The following TBC1D9B variants were observed in gnomAD, a reference collection of about 807,000 sequenced individuals.
TBC1D9B encodes TBC1 domain family, member 9B (with GRAM domain).
TBC1D9B carries 87 observed loss-of-function variants against 121.1 expected under a neutral mutation model. The observed-to-expected ratio is 0.72, with a 90% CI of 0.60 to 0.86. The LOEUF is 0.86. Among genes scored for constraint, TBC1D9B ranks in the 40% least tolerant of loss-of-function variants. The pLI is 0.00. For missense variants in TBC1D9B, 1,540 were observed against 1,628.6 expected (o/e 0.95, Z 0.94); for synonymous variants, 668 against 670.1 (o/e 1.00, Z 0.05).
intron 2 of TBC1D9B, 48 bp from the exon 3 acceptor site, chr5:179,899,355 C>T (rs1219136909): frequency 1.3e-6 from 2 of 1,512,578 alleles, no homozygotes; most frequent in South Asian, 1.1e-5. Flanking sequence ...ATTCCCCAGG[C>T]CTTAAACGCA....
rs1182321119 is a variant in TBC1D9B, at chr5:179,907,698, T to C, written c.118+6A>G. On this transcript the variant is annotated splice_donor_region_variant and intron_variant, in intron 1 of 20. Coordinates refer to ENST00000355235, the MANE Select transcript of TBC1D9B (RefSeq NM_015043.4). The surrounding 1 kb of genome is among the most constrained non-coding windows in gnomAD (Gnocchi z 5.3). ...CCACAGGCCCGGCCGCCCGCGCGCC[T>C]CTCACCCGTAAGGCCGCCGCCCCTG... 1.1e-5 allele frequency: 12 copies of C among 1,136,012 alleles called. No homozygotes were observed. The highest frequency in any genetic ancestry group is 1.1e-5 in the Non-Finnish European group (10 of 907,056). 70.4% of individuals were successfully genotyped at this position (1,136,012 alleles called of 1,614,324 possible). A position where few individuals can be genotyped will look rare whatever the true frequency, so the allele number is the denominator to read the frequency against.
At chr5:179,898,863 CA>C (rs1416601003) in intron 3 of TBC1D9B, among the ~76,000 whole-genome samples, 1 of 152,210 alleles carries the variant, frequency 6.6e-6, no homozygotes, top group Admixed American at 6.5e-5. Context: ...TTATAAAAAA[CA>C]ACTCAAAATA....
At chr5:179,878,092 C>T (rs903572201) in intron 10 of TBC1D9B, among the ~76,000 whole-genome samples, 1 of 152,240 alleles carries the variant, frequency 6.6e-6, no homozygotes, top group Non-Finnish European at 1.5e-5. Flanking sequence ...CAATCAAATG[C>T]TGCTGGGACT....
chr5:179,863,575 G>A lies in TBC1D9B; in HGVS notation c.3575C>T (p.Thr1192Met), dbSNP rs186133581. The stretch of plus-strand genomic sequence containing the variant: ...AAAGAAGTTCACCAGCACGGACTCC[G>A]TCAGGATGGAGGCCAGGATCTGCTC... ...SFEQILASIL[T>M]ESVLVNFFEK... is the part of the protein sequence containing the mutation. Residue 1192 changes from threonine to methionine, a missense_variant, in exon 21 of 21, where the codon ACG (threonine) becomes ATG (methionine). Thr to Met is a moderately conservative substitution (Grantham distance 81). Coordinates refer to ENST00000355235, the MANE Select transcript of TBC1D9B (RefSeq NM_015043.4). The surrounding 1 kb of genome is among the most constrained non-coding windows in gnomAD (Gnocchi z 4.5). The A allele has an allele frequency of 7.1e-5, 115 of 1,614,190 alleles. No individual in the cohort carries two copies. The highest frequency in any genetic ancestry group is 9.2e-5 in the Non-Finnish European group (109 of 1,180,048).
At chr5:179,906,342 G>A (rs1031140688) in intron 1 of TBC1D9B, among the ~76,000 whole-genome samples, 1 of 152,150 alleles carries the variant, frequency 6.6e-6, no homozygotes, top group African/African-American at 2.4e-5. Context: ...CGGTCCCAGG[G>A]GACACGGAGA....
chr5:179,869,956 G>A, intron 16 of TBC1D9B, 122 bp from the exon 17 acceptor site: 1 of 1,052,090 alleles, frequency 9.5e-7, no homozygotes, highest in Non-Finnish European at 1.3e-6. Flanking sequence ...GAGGTCACAG[G>A]GTGAGTCCCA....
rs918883177 is a variant in TBC1D9B, at chr5:179,892,262, C to T, written c.837-676G>A. On this transcript the variant is annotated intron_variant, in intron 5 of 20. Transcript: ENST00000355235. ...GGAGCAGTCATGTTCCATCTCTGCT[C>T]GTGTTCTTTCCAAAAGGTCCAACAA... is the stretch of plus-strand genomic sequence containing the variant. 7.9e-5 allele frequency among the ~76,000 whole-genome samples: 12 copies of T among 152,358 alleles called. No homozygotes were observed. The East Asian group carries it at 1.7e-3, about 22-fold the overall frequency.
chr5:179,865,692 A>G lies in TBC1D9B; in HGVS notation c.2914+146T>C, dbSNP rs146622388. 0.011 allele frequency: 10,387 copies of G among 918,564 alleles called. 108 individuals carry two copies. Among genetic ancestry groups the G allele is most frequent in the Non-Finnish European group, 0.013 (7,653 of 601,524 alleles). The allele number at this position is 918,564 out of a possible 1,614,324, so 56.9% of individuals were successfully genotyped here. A position where few individuals can be genotyped will look rare whatever the true frequency, so the allele number is the denominator to read the frequency against. ...GTGGAGAGCGTGGAGCCTCCTGTGC[A>G]TCCCGAGGCCTGCTCCCTGATCGGG... is the stretch of plus-strand genomic sequence containing the variant. On this transcript the variant is annotated intron_variant, in intron 19 of 20. Coordinates refer to ENST00000355235, the MANE Select transcript of TBC1D9B (RefSeq NM_015043.4). The surrounding 1 kb of genome is among the most constrained non-coding windows in gnomAD (Gnocchi z 5.1).
chr5:179,880,380 G>A (rs923042534), intron 7 of TBC1D9B, among the ~76,000 whole-genome samples: 3 of 152,212 alleles, frequency 2.0e-5, no homozygotes, highest in African/African-American at 7.2e-5. Context: ...CAGTGGGGGA[G>A]AGCCCAGCTC....
rs1364165959 is a variant in TBC1D9B, at chr5:179,867,394, AG to A, written c.2863+383del. 4.0e-6 allele frequency: 6 copies of A among 1,517,640 alleles called. No homozygotes were observed. In the African/African-American group the frequency reaches 6.9e-5, roughly 18 times the overall value. 94.0% of individuals were successfully genotyped at this position (1,517,640 alleles called of 1,614,324 possible). A position where few individuals can be genotyped will look rare whatever the true frequency, so the allele number is the denominator to read the frequency against. ...GAGCTTCCAGGCTTCCTGATAGTGCAGGAAGAGTGTTAGGAGGTACAGGGGG... is the reference window on the plus strand; with the variant it reads ...GAGCTTCCAGGCTTCCTGATAGTGCAGAAGAGTGTTAGGAGGTACAGGGGG... On this transcript the variant is annotated intron_variant, in intron 18 of 20. Transcript: ENST00000355235.
chr5:179,901,570 A>C (rs1238969018), intron 2 of TBC1D9B, among the ~76,000 whole-genome samples: 1 of 152,202 alleles, frequency 6.6e-6, no homozygotes, highest in African/African-American at 2.4e-5. Context: ...GAATCGCTTG[A>C]GCCCAGGAGT....
At position 179,885,896 on chromosome 5, in the gene TBC1D9B, C is replaced by T. The variant is rs940128651; in HGVS notation, c.1254+2207G>A. On this transcript the variant is annotated intron_variant, in intron 7 of 20. Transcript: ENST00000355235. The surrounding 1 kb of genome is among the most constrained non-coding windows in gnomAD (Gnocchi z 4.5). ...AGCACTCACAGGGCCTACGGGCTTT[C>T]GGTGACTTGGCCTTCTGCCACCTCT... 6.6e-6 allele frequency among the ~76,000 whole-genome samples: 1 copy of T among 152,208 alleles called. No individual in the cohort carries two copies. Among genetic ancestry groups the T allele is most frequent in the African/African-American group, 2.4e-5 (1 of 41,450 alleles).
rs1353393258 is a variant in TBC1D9B at position 179,875,971 on chromosome 5, C to T, written c.1849G>A (p.Val617Met). 6.2e-7 allele frequency: 1 copy of T among 1,612,012 alleles called. No individual in the cohort carries two copies. The highest frequency in any genetic ancestry group is 8.5e-7 in the Non-Finnish European group (1 of 1,179,430). Residue 617 changes from valine to methionine, a missense_variant, in exon 11 of 21, where the codon GTG becomes ATG. Transcript: ENST00000355235. The surrounding 1 kb of genome is among the most constrained non-coding windows in gnomAD (Gnocchi z 4.5). ...GGCAGCATGCGCTCGCACAGGGCCA[C>T]CAGGAGCCAGAAGGCCTCCTCCTCA... ...GSEEEAFWLLVALCERMLPDY... is the reference protein window; with the variant it reads ...GSEEEAFWLLMALCERMLPDY...
intron 9 of TBC1D9B, 114 bp downstream of exon 9, chr5:179,878,933 T>C: frequency 1.4e-6 from 2 of 1,399,306 alleles, no homozygotes; most frequent in Non-Finnish European, 9.5e-7. Flanking sequence ...GTGAAAGAGC[T>C]GGGAGCTCCT....
At chr5:179,903,873 T>C (rs978909618) in intron 2 of TBC1D9B, among the ~76,000 whole-genome samples, 1 of 152,172 alleles carries the variant, frequency 6.6e-6, no homozygotes, top group Non-Finnish European at 1.5e-5. Flanking sequence ...GAGTGCAGTA[T>C]GAGAGCTGAA....
At position 179,863,282 on chromosome 5, in the gene TBC1D9B, A is replaced by G. The variant is rs73810204; in HGVS notation, c.*166T>C. 2,470 of 785,006 alleles carry G rather than the reference A, an allele frequency of 3.1e-3. 49 individuals are homozygous for G. The African/African-American group carries it at 0.038, about 12-fold the overall frequency. The allele number at this position is 785,006 out of a possible 1,614,324, so 48.6% of individuals were successfully genotyped here. On this transcript the variant is annotated 3_prime_UTR_variant, in exon 21 of 21. Transcript: ENST00000355235. The surrounding 1 kb of genome is among the most constrained non-coding windows in gnomAD (Gnocchi z 4.5). ...AGATGCAGGCCCAGGGAATCTGTCTAAGGCAGCTGGGTCTGCACCAGCCTT... is the reference window on the plus strand; with the variant it reads ...AGATGCAGGCCCAGGGAATCTGTCTGAGGCAGCTGGGTCTGCACCAGCCTT...
At chr5:179,871,196 G>T (rs1217563077) in intron 15 of TBC1D9B, among the ~76,000 whole-genome samples, 3 of 152,090 alleles carry the variant, frequency 2.0e-5, no homozygotes, top group Non-Finnish European at 4.4e-5. Context: ...AGCAATACAG[G>T]GGCAATGTAT....
In TBC1D9B at chr5:179,863,946, C is replaced by T; in HGVS notation, c.3204G>A (p.Glu1068=). The change falls in exon 21 of 21, where the codon GAG becomes GAA. Residue 1068 remains glutamate, a synonymous_variant. Transcript: ENST00000355235. This position sits in a 1 kb window ranked among gnomAD's most constrained non-coding sequence, Gnocchi z 4.5. ...KPRDCATEED[E]PPAPELHQDA... is the part of the protein sequence containing the mutation. ...CCTGATGCAGTTCGGGTGCTGGTGG[C>T]TCGTCCTCCTCAGTGGCACAGTCCC... 1 of 1,613,830 alleles carries T rather than the reference C, an allele frequency of 6.2e-7. No homozygotes were observed. Among genetic ancestry groups the T allele is most frequent in the Non-Finnish European group, 8.5e-7 (1 of 1,180,026 alleles).
chr5:179,900,955 G>A (rs897876223), intron 2 of TBC1D9B, among the ~76,000 whole-genome samples: 20 of 152,130 alleles, frequency 1.3e-4, no homozygotes, highest in African/African-American at 4.1e-4. Flanking sequence ...CTCCCTCCAG[G>A]CCAGGCTGGG....
Sources: allele counts gnomAD v4.1 joint callset (sites outside exome capture counted in the v4.1 genomes callset), GRCh38; gene constraint gnomAD v4.1.1; non-coding constraint Gnocchi (gnomAD v3.1); transcripts MANE v1.5; gene names NCBI Gene and HGNC (gene_info 2026-07-23, HGNC 2026-07-21).